Variants in MAPK6 observed in about 807,000 individuals in gnomAD.
MAPK6 encodes the protein mitogen-activated protein kinase 6.
In MAPK6, 19 loss-of-function variants were observed where a neutral mutation model predicts 59.3. The ratio of observed to expected loss-of-function variants is 0.32; its 90% CI spans 0.22 to 0.47. The LOEUF is 0.47. Among genes scored for constraint, MAPK6 ranks in the 20% least tolerant of loss-of-function variants. The pLI is 1.00. For synonymous variants in MAPK6, 316 were observed against 290.3 expected (o/e 1.09, Z -0.90); for missense variants, 724 against 847.9 (o/e 0.85, Z 1.81).
intron 5 of MAPK6, among the ~76,000 whole-genome samples, chr15:52,063,374 A>G (rs555330717): frequency 5.3e-5 from 8 of 152,264 alleles, no homozygotes; most frequent in African/African-American, 1.2e-4. Context: ...TGCATTTTCT[A>G]TTTTACCTAG....
intron 2 of MAPK6, among the ~76,000 whole-genome samples, chr15:52,049,785 T>C (rs1166404212): frequency 6.6e-6 from 1 of 152,032 alleles, no homozygotes; most frequent in Non-Finnish European, 1.5e-5. Context: ...TGGCTAATTT[T>C]GTATTTTTAG....
In MAPK6 at chr15:52,063,984, G is replaced by A. The variant is rs760758118; in HGVS notation, c.1150G>A (p.Ala384Thr). ...TGATGAAGTTCAGCTTGATCCAAGA[G>A]CTCTGTCCGATGTCACTGATGAAGA... Reference protein sequence around the residue: ...DIDEVQLDPRALSDVTDEEEV... With the variant: ...DIDEVQLDPRTLSDVTDEEEV... The change falls in exon 6 of 6, where the codon GCT (alanine) becomes ACT (threonine). Residue 384 changes from alanine (A) to threonine (T), a missense_variant. Coordinates refer to ENST00000261845, the MANE Select transcript of MAPK6 (RefSeq NM_002748.4). The A allele has an allele frequency of 6.2e-7, 1 of 1,613,024 alleles. No homozygotes were observed. Among genetic ancestry groups the A allele is most frequent in the South Asian group, 1.1e-5 (1 of 90,880 alleles).
At chr15:52,007,057 C>G (rs975057476) in intron 3 of MAPK6, among the ~76,000 whole-genome samples, 1 of 152,152 alleles carries the variant, frequency 6.6e-6, no homozygotes, top group African/African-American at 2.4e-5. Context: ...GAACTGTGAC[C>G]TACGACATTG....
At chr15:52,054,726 C>CTA (rs879492767) in intron 3 of MAPK6, among the ~76,000 whole-genome samples, 2,621 of 34,658 alleles carry the variant, frequency 0.076, 37 homozygotes, top group African/African-American at 0.12. Context: ...ATACATATAT[C>CTA]TATACACACA....
chr15:51,980,164 G>A (rs1433106134), intron 1 of MAPK6, among the ~76,000 whole-genome samples: 8 of 150,798 alleles, frequency 5.3e-5, no homozygotes, highest in Non-Finnish European at 1.0e-4. Context: ...GCGTGGTGGC[G>A]GGCACCTGTA....
At chr15:52,043,667 A>G (rs2031499547) in intron 1 of MAPK6, among the ~76,000 whole-genome samples, 1 of 149,688 alleles carries the variant, frequency 6.7e-6, no homozygotes, top group Non-Finnish European at 1.5e-5. Flanking sequence ...TTGAAAATCC[A>G]CTGGCTAAAG....
intron 2 of MAPK6, among the ~76,000 whole-genome samples, chr15:51,993,939 C>T (rs959020280): frequency 9.3e-5 from 14 of 150,926 alleles, no homozygotes; most frequent in Admixed American, 6.0e-4. Context: ...GCTTAGCTCT[C>T]GGTTTCTTTT....
chr15:52,032,484 C>G (rs2031075173), intron 1 of MAPK6, among the ~76,000 whole-genome samples: 3 of 152,126 alleles, frequency 2.0e-5, no homozygotes, highest in African/African-American at 7.2e-5. Flanking sequence ...GCCACTGTGC[C>G]TGGCCGTGGA....
At position 52,066,522 on chromosome 15, in the gene MAPK6, GAACTT is replaced by G. The variant is rs1208977567; in HGVS notation, c.*1524_*1528del. 3 of 151,684 alleles carry G rather than the reference GAACTT, an allele frequency of 2.0e-5. No homozygotes were observed. Among genetic ancestry groups the G allele is most frequent in the African/African-American group, 2.4e-5 (1 of 41,208 alleles). 9.4% of individuals were successfully genotyped at this position (151,684 alleles called of 1,614,324 possible). A position where few individuals can be genotyped will look rare whatever the true frequency, so the allele number is the denominator to read the frequency against. On this transcript the variant is annotated 3_prime_UTR_variant, in exon 6 of 6. Transcript: ENST00000261845. The stretch of plus-strand genomic sequence containing the variant: ...TGCTCTGTAATACATCTTTGCGTAA[GAACTT>G]ACCCTTTTACCTATCCAGCTACAAA...
At chr15:52,049,929 ATC>A (rs2031723291) in intron 2 of MAPK6, 62 bp from the exon 3 acceptor site, 1 of 1,432,592 alleles carries the variant, frequency 7.0e-7, no homozygotes, top group Admixed American at 1.8e-5. Context: ...GGATTCTTTA[ATC>A]AAGTTGTAAG....
rs146335566 is a variant in MAPK6 at position 52,040,835 on chromosome 15, G to A, written c.-631-4995G>A. On this transcript the variant is annotated intron_variant, in intron 1 of 5. Coordinates refer to ENST00000261845, the MANE Select transcript of MAPK6 (RefSeq NM_002748.4). The stretch of plus-strand genomic sequence containing the variant: ...TGGTATCCAGCCTGCATTATAAAGA[G>A]CTTTTAATTCCATGACATGGTAGAT... Among the ~76,000 whole-genome samples, 8 of 152,280 alleles carry A rather than the reference G, an allele frequency of 5.3e-5. No individual in the cohort carries two copies. In the East Asian group the frequency reaches 1.3e-3, roughly 26 times the overall value.
intron 3 of MAPK6, among the ~76,000 whole-genome samples, chr15:52,053,848 A>C (rs894537738): frequency 6.6e-6 from 1 of 151,686 alleles, no homozygotes; most frequent in Non-Finnish European, 1.5e-5. Flanking sequence ...CACGTTGGTC[A>C]GGCTGATCTC....
chr15:51,991,148 TACACACACACAC>T (rs933912695), intron 2 of MAPK6, among the ~76,000 whole-genome samples: 1,897 of 140,720 alleles, frequency 0.013, 29 homozygotes, highest in Middle Eastern at 0.036. Context: ...TATATATATA[TACACACACACAC>T]ACACACACAC....
At chr15:51,973,561 C>T (rs569797572) in intron 1 of MAPK6, among the ~76,000 whole-genome samples, 18 of 152,002 alleles carry the variant, frequency 1.2e-4, no homozygotes, top group African/African-American at 4.3e-4. Context: ...TGTCCATATT[C>T]CTGGCTATCA....
Position 52,066,144 on chromosome 15 carries a change from A to C in MAPK6, c.*1144A>C, listed in dbSNP as rs1306913988. Reference sequence around the variant, plus strand: ...GCATGAATAAAATTAGGTTAAACGTAGCATGTGGCATCGCAGTCTCTTAGA... The same window carrying C: ...GCATGAATAAAATTAGGTTAAACGTCGCATGTGGCATCGCAGTCTCTTAGA... On this transcript the variant is annotated 3_prime_UTR_variant, in exon 6 of 6. Transcript: ENST00000261845. 6.6e-6 allele frequency: 1 copy of C among 152,638 alleles called. No individual in the cohort carries two copies. Among genetic ancestry groups the C allele is most frequent in the East Asian group, 1.9e-4 (1 of 5,204 alleles). 9.5% of individuals were successfully genotyped at this position (152,638 alleles called of 1,614,324 possible). A position where few individuals can be genotyped will look rare whatever the true frequency, so the allele number is the denominator to read the frequency against.
chr15:52,022,661 C>A (rs2030580981), intron 1 of MAPK6, among the ~76,000 whole-genome samples: 1 of 150,620 alleles, frequency 6.6e-6, no homozygotes, highest in Non-Finnish European at 1.5e-5. Context: ...AAGTTTAATT[C>A]AAACTTAAAA....
Position 52,058,832 on chromosome 15 carries a change from C to T in MAPK6, c.865+35C>T, listed in dbSNP as rs756058070. On this transcript the variant is annotated intron_variant, in intron 4 of 5. Transcript: ENST00000261845. ...CTCGAGAGTAACCCTCACGTTAATG[C>T]CTGTGTGTGAGGCAGAATCTGTGTA... 9.0e-6 allele frequency: 14 copies of T among 1,558,200 alleles called. No individual in the cohort carries two copies. The Admixed American group carries it at 2.4e-4, about 27-fold the overall frequency.
At chr15:52,060,873 C>T (rs2032173384) in intron 4 of MAPK6, among the ~76,000 whole-genome samples, 1 of 152,082 alleles carries the variant, frequency 6.6e-6, no homozygotes, top group Non-Finnish European at 1.5e-5. Context: ...ATTTTTGTAC[C>T]TTATGAAATA....
intron 3 of MAPK6, among the ~76,000 whole-genome samples, chr15:52,051,888 T>A (rs983424540): frequency 2.0e-5 from 3 of 150,378 alleles, no homozygotes; most frequent in Admixed American, 1.3e-4. Flanking sequence ...AAAAAAAAAA[T>A]TTCTAAGATG....
Sources: gnomAD v4.1 joint callset for allele counts (sites outside exome capture counted in the v4.1 genomes callset) on GRCh38, gnomAD v4.1.1 for gene constraint, MANE v1.5 for transcripts, NCBI Gene and HGNC (gene_info 2026-07-23, HGNC 2026-07-21) for gene names.